Variants in WWOX observed in about 807,000 individuals in gnomAD.
WWOX encodes WW domain-containing oxidoreductase.
Under a neutral mutation model 46.2 loss-of-function variants are expected in WWOX, and 69 were observed. The ratio of observed to expected loss-of-function variants is 1.49; its 90% CI spans 1.23 to 1.82. WWOX has a LOEUF of 1.82. WWOX is among the 40% of genes most tolerant of loss of function. The pLI, the probability that WWOX is intolerant of heterozygous loss-of-function variation, is 0.00. For missense variants in WWOX, 919 were observed against 542.6 expected, an observed-to-expected ratio of 1.69 and a Z score of -6.89; for synonymous variants, 359 against 202.6, an observed-to-expected ratio of 1.77 and a Z score of -6.56.
At chr16:78,983,515 A>T (rs1039703666) in intron 8 of WWOX, among the ~76,000 whole-genome samples, 4 of 152,296 alleles carry the variant, frequency 2.6e-5, no homozygotes, top group Admixed American at 2.6e-4. Context: ...AGGGGAGAAG[A>T]AATGGGGTAC....
intron 8 of WWOX, among the ~76,000 whole-genome samples, chr16:78,822,619 G>T (rs1340856711): frequency 6.6e-6 from 1 of 152,144 alleles, no homozygotes; most frequent in African/African-American, 2.4e-5. Context: ...CTAGAACCCA[G>T]TGGTCACGTG....
chr16:78,732,408 G>T (rs909608152), intron 8 of WWOX, among the ~76,000 whole-genome samples: 4 of 152,144 alleles, frequency 2.6e-5, no homozygotes, highest in African/African-American at 9.7e-5. Flanking sequence ...GTCATAGTCA[G>T]CTTCAGTCAT....
At chr16:78,816,136 C>G (rs575950868) in intron 8 of WWOX, among the ~76,000 whole-genome samples, 1 of 152,278 alleles carries the variant, frequency 6.6e-6, no homozygotes, top group African/African-American at 2.4e-5. Flanking sequence ...AGGCAGAATC[C>G]AGTATCTGTT....
intron 8 of WWOX, among the ~76,000 whole-genome samples, chr16:79,209,354 G>T (rs1229392768): frequency 1.3e-5 from 2 of 152,212 alleles, no homozygotes; most frequent in Non-Finnish European, 2.9e-5. Flanking sequence ...TATCATTACA[G>T]TAGGTCATAG....
At chr16:78,280,448 T>C (rs1382023287) in intron 5 of WWOX, among the ~76,000 whole-genome samples, 2 of 152,324 alleles carry the variant, frequency 1.3e-5, no homozygotes, top group Admixed American at 1.3e-4. Flanking sequence ...CTGTAGGATA[T>C]GTATTAGGCT....
intron 8 of WWOX, among the ~76,000 whole-genome samples, chr16:78,944,524 C>T (rs905788344): frequency 6.6e-6 from 1 of 152,132 alleles, no homozygotes; most frequent in African/African-American, 2.4e-5. Context: ...TTTGATTTGT[C>T]TTGCTGTATC....
intron 8 of WWOX, among the ~76,000 whole-genome samples, chr16:78,994,808 G>A (rs1365360724): frequency 5.9e-5 from 9 of 151,998 alleles, no homozygotes; most frequent in East Asian, 1.9e-4. Context: ...GGGTTTCGCC[G>A]TGTCATGCAC....
chr16:78,831,673 C>A (rs764470293), intron 8 of WWOX, among the ~76,000 whole-genome samples: 1 of 152,126 alleles, frequency 6.6e-6, no homozygotes, highest in Non-Finnish European at 1.5e-5. Context: ...AATACTATTT[C>A]CATTGAGAAG....
chr16:79,123,027 A>G (rs1597394575), intron 8 of WWOX, among the ~76,000 whole-genome samples: 2 of 152,288 alleles, frequency 1.3e-5, no homozygotes, highest in Middle Eastern at 3.4e-3. Flanking sequence ...TGTGAACGCA[A>G]GGTGAGGATG....
chr16:78,611,407 T>C (rs2045897201), intron 8 of WWOX, among the ~76,000 whole-genome samples: 2 of 152,162 alleles, frequency 1.3e-5, no homozygotes, highest in Admixed American at 6.5e-5. Context: ...AATGAATAAA[T>C]TGTCTATCCT....
At chr16:78,738,461 T>C (rs940206808) in intron 8 of WWOX, among the ~76,000 whole-genome samples, 3 of 152,218 alleles carry the variant, frequency 2.0e-5, no homozygotes, top group Non-Finnish European at 2.9e-5. Flanking sequence ...TGTCACGATA[T>C]AAAAAGAGAA....
chr16:78,741,199 C>G (rs1001809046), intron 8 of WWOX, among the ~76,000 whole-genome samples: 1 of 152,204 alleles, frequency 6.6e-6, no homozygotes, highest in Non-Finnish European at 1.5e-5. Context: ...AGCCTAGAAT[C>G]TTTATTATAA....
intron 8 of WWOX, among the ~76,000 whole-genome samples, chr16:79,052,497 G>A (rs2048187514): frequency 6.6e-6 from 1 of 152,154 alleles, no homozygotes; most frequent in African/African-American, 2.4e-5. Context: ...GTTTATTGCG[G>A]CATTATTCAC....
At chr16:78,865,906 T>C (rs1661548412) in intron 8 of WWOX, among the ~76,000 whole-genome samples, 1 of 152,166 alleles carries the variant, frequency 6.6e-6, no homozygotes, top group African/African-American at 2.4e-5. Context: ...GTGTCTGGCC[T>C]TTGTGATAGT....
Position 79,029,693 on chromosome 16 carries a change from G to A in WWOX, c.1057-181915G>A, listed in dbSNP as rs188894537. ...TCCTTTAAACTTTAGGCATTGATGCGCTTAATTATGCTTTTCAACAAGATT... is the reference window on the plus strand; with the variant it reads ...TCCTTTAAACTTTAGGCATTGATGCACTTAATTATGCTTTTCAACAAGATT... On this transcript the variant is annotated intron_variant, in intron 8 of 8. Coordinates refer to ENST00000566780, the MANE Select transcript of WWOX (RefSeq NM_016373.4). Among the ~76,000 whole-genome samples, 53 of 152,144 alleles carry A rather than the reference G, an allele frequency of 3.5e-4. No homozygotes were observed. In the East Asian group the frequency reaches 4.6e-3, roughly 13 times the overall value.
intron 5 of WWOX, among the ~76,000 whole-genome samples, chr16:78,255,512 A>G (rs2038104281): frequency 1.3e-5 from 2 of 152,182 alleles, no homozygotes; most frequent in African/African-American, 4.8e-5. Flanking sequence ...GCAAAAGCTA[A>G]TTTATCCAAA....
At chr16:78,937,145 G>A (rs544620798) in intron 8 of WWOX, among the ~76,000 whole-genome samples, 6 of 152,026 alleles carry the variant, frequency 3.9e-5, no homozygotes, top group Non-Finnish European at 5.9e-5. Context: ...AAAAAATGTT[G>A]ATATATCAAA....
intron 8 of WWOX, among the ~76,000 whole-genome samples, chr16:79,067,284 G>C (rs531595705): frequency 1.3e-5 from 2 of 152,288 alleles, no homozygotes; most frequent in African/African-American, 4.8e-5. Context: ...CAGAGTAAAA[G>C]CTAAAACCTT....
At chr16:79,007,156 G>A (rs1374474467) in intron 8 of WWOX, among the ~76,000 whole-genome samples, 1 of 152,170 alleles carries the variant, frequency 6.6e-6, no homozygotes, top group Non-Finnish European at 1.5e-5. Flanking sequence ...CAAAACTTAT[G>A]TTCCAGTGAG....
Sources: allele counts gnomAD v4.1 joint callset (sites outside exome capture counted in the v4.1 genomes callset), GRCh38; gene constraint gnomAD v4.1.1; transcripts MANE v1.5; gene names NCBI Gene and HGNC (gene_info 2026-07-23, HGNC 2026-07-21).